Variants in TENM2 observed in about 807,000 individuals in gnomAD.
TENM2 encodes the protein teneurin-2.
A neutral mutation model predicts 245.2 loss-of-function variants in TENM2; 52 were observed. The ratio of observed to expected loss-of-function variants is 0.21; its 90% CI spans 0.17 to 0.27. The LOEUF is 0.27. Ranked by LOEUF, TENM2 falls within the 10% of genes least tolerant of loss-of-function variation. The probability of loss-of-function intolerance (pLI) is 1.00; values close to 1 mark genes in which losing one functional copy is unlikely to be tolerated. For missense variants in TENM2, 3,046 were observed against 3,666.8 expected (o/e 0.83, Z 4.37); for synonymous variants, 1,363 against 1,438.9 (o/e 0.95, Z 1.19).
At chr5:167,857,837 C>T (rs1014485790) in intron 2 of TENM2, among the ~76,000 whole-genome samples, 3 of 152,186 alleles carry the variant, frequency 2.0e-5, no homozygotes, top group African/African-American at 7.2e-5. Context: ...GTTTTCTGCT[C>T]ATCCCCAAAC....
At chr5:167,958,146 T>C (rs986708654) in intron 4 of TENM2, among the ~76,000 whole-genome samples, 2 of 151,976 alleles carry the variant, frequency 1.3e-5, no homozygotes, top group Admixed American at 1.3e-4. Flanking sequence ...GCTTTATGAA[T>C]CTGGGTGCTC....
At chr5:168,253,488 C>CGG (rs1767336257) in intron 27 of TENM2, among the ~76,000 whole-genome samples, 2 of 145,112 alleles carry the variant, frequency 1.4e-5, no homozygotes, top group South Asian at 2.2e-4. Context: ...TGCAGTGGTA[C>CGG]GATCTTGGCT....
At chr5:167,834,313 C>G (rs1768775563) in intron 2 of TENM2, among the ~76,000 whole-genome samples, 1 of 152,206 alleles carries the variant, frequency 6.6e-6, no homozygotes, top group African/African-American at 2.4e-5. Context: ...GGTCCTGGCT[C>G]CTTTTATGGG....
intron 5 of TENM2, among the ~76,000 whole-genome samples, chr5:168,030,404 A>G (rs1240023771): frequency 1.3e-5 from 2 of 151,962 alleles, no homozygotes; most frequent in Non-Finnish European, 2.9e-5. Flanking sequence ...GCCTTGTGCA[A>G]TACCTGTGGT....
At chr5:167,280,042 T>G (rs969025074), upstream of TENM2, among the ~76,000 whole-genome samples, 1 of 152,190 alleles carries the variant, frequency 6.6e-6, no homozygotes, top group African/African-American at 2.4e-5. Context: ...GCTGATTTTC[T>G]CTGACATTGC....
At chr5:167,284,905 C>T in exon 1 of TENM2, 1 of 1,551,774 alleles carries the variant, frequency 6.4e-7, no homozygotes, top group Non-Finnish European at 8.7e-7. Context: ...TGTCGCTACA[C>T]AAGCTCCTCT....
intron 2 of TENM2, chr5:167,755,256 GTTGGAGTATTTAC>G: frequency 7.9e-7 from 1 of 1,263,740 alleles, no homozygotes. Context: ...TGACAGGGTA[GTTGGAGTATTTAC>G]TTTAACCCTT....
intron 2 of TENM2, among the ~76,000 whole-genome samples, chr5:167,720,377 C>T (rs1033390780): frequency 6.6e-6 from 1 of 152,174 alleles, no homozygotes; most frequent in Non-Finnish European, 1.5e-5. Flanking sequence ...TCCGGATAGT[C>T]CAGGCAGTGA....
At chr5:167,024,236 C>G in the TENM2 span, among the ~76,000 whole-genome samples, 5 of 152,098 alleles carry the variant, frequency 3.3e-5, no homozygotes, top group African/African-American at 1.2e-4. Context: ...GCAAACATCT[C>G]AAAATTTTGG....
chr5:167,731,160 C>T (rs1302351768), intron 2 of TENM2, among the ~76,000 whole-genome samples: 2 of 151,616 alleles, frequency 1.3e-5, no homozygotes, highest in Non-Finnish European at 2.9e-5. Flanking sequence ...GATAAAAACC[C>T]CATGCCAGTT....
the TENM2 span, among the ~76,000 whole-genome samples, chr5:167,101,869 A>ATATATATATATATATATG: frequency 1.4e-4 from 18 of 125,748 alleles, no homozygotes; most frequent in African/African-American, 3.1e-4. Context: ...ATATATATAT[A>ATATATATATATATATATG]TATATATGCA....
chr5:167,934,580 G>A (rs950841706), intron 3 of TENM2, among the ~76,000 whole-genome samples: 1 of 152,216 alleles, frequency 6.6e-6, no homozygotes, highest in Non-Finnish European at 1.5e-5. Flanking sequence ...CACGATGAAA[G>A]CTGCTTCAGA....
At chr5:168,036,998 G>A (rs150048761) in intron 5 of TENM2, among the ~76,000 whole-genome samples, 2 of 152,026 alleles carry the variant, frequency 1.3e-5, no homozygotes, top group Non-Finnish European at 2.9e-5. Context: ...CCTTGCCTGT[G>A]TTTTCATTCC....
chr5:167,342,508 T>TTC (rs1758170575), intron 1 of TENM2, among the ~76,000 whole-genome samples: 1 of 33,230 alleles, frequency 3.0e-5, no homozygotes, highest in Non-Finnish European at 5.3e-5. Context: ...AAAGTTATTC[T>TTC]TTTTTTTTTT....
chr5:167,158,381 T>C, the TENM2 span, among the ~76,000 whole-genome samples: 2 of 152,206 alleles, frequency 1.3e-5, no homozygotes, highest in Non-Finnish European at 2.9e-5. Flanking sequence ...TTATATCTTA[T>C]ATGATCTCTT....
At chr5:167,878,245 T>C (rs551428997) in intron 3 of TENM2, among the ~76,000 whole-genome samples, 1 of 152,328 alleles carries the variant, frequency 6.6e-6, no homozygotes, top group African/African-American at 2.4e-5. Context: ...AACAGATCTG[T>C]GTGTTCAGAG....
At chr5:167,677,448 G>A (rs1428595540) in intron 2 of TENM2, among the ~76,000 whole-genome samples, 3 of 150,628 alleles carry the variant, frequency 2.0e-5, no homozygotes, top group Non-Finnish European at 4.4e-5. Flanking sequence ...GAACTTTTTG[G>A]TTTCTCTTGG....
At chr5:167,652,387 CTTT>C (rs1328268157) in intron 2 of TENM2, among the ~76,000 whole-genome samples, 4 of 152,120 alleles carry the variant, frequency 2.6e-5, no homozygotes, top group African/African-American at 9.7e-5. Context: ...TTTTCTTCTT[CTTT>C]ATTATTTTTA....
At chr5:167,735,287 T>C (rs1017336009) in intron 2 of TENM2, among the ~76,000 whole-genome samples, 2 of 152,202 alleles carry the variant, frequency 1.3e-5, no homozygotes, top group African/African-American at 4.8e-5. Flanking sequence ...CCAAGGCAAT[T>C]TCTGCATTTT....
Sources: allele counts gnomAD v4.1 joint callset (sites outside exome capture counted in the v4.1 genomes callset), GRCh38; gene constraint gnomAD v4.1.1; transcripts MANE v1.5; gene names NCBI Gene and HGNC (gene_info 2026-07-23, HGNC 2026-07-21).